The following ITGA2 variants were observed in gnomAD, a reference collection of about 807,000 sequenced individuals.
ITGA2 encodes the protein integrin alpha-2.
ITGA2 carries 101 observed loss-of-function variants against 146.3 expected under a neutral mutation model. The ratio of observed to expected loss-of-function variants is 0.69; its 90% CI spans 0.59 to 0.81. The LOEUF (loss-of-function observed/expected upper bound fraction) is 0.81. ITGA2 is among the 40% of genes least tolerant of loss of function. The pLI is 0.00. For synonymous variants in ITGA2, 477 were observed against 487.1 expected (o/e 0.98, Z 0.27); for missense variants, 1,281 against 1,402.7 (o/e 0.91, Z 1.39).
intron 1 of ITGA2, chr5:52,990,346 G>C (rs999372491): frequency 2.0e-5 from 3 of 152,396 alleles, no homozygotes; most frequent in African/African-American, 7.2e-5. Context: ...CACCTCCTGA[G>C]TTCTTTTACA....
chr5:53,024,999 C>T (rs915638610), intron 1 of ITGA2, among the ~76,000 whole-genome samples: 3 of 152,126 alleles, frequency 2.0e-5, no homozygotes, highest in African/African-American at 7.2e-5. Context: ...ATAAAATGAA[C>T]TCCATCATAA....
Position 53,016,567 on chromosome 5 carries a change from G to C in ITGA2, c.65-10181G>C, listed in dbSNP as rs148777597. 3.1e-3 allele frequency among the ~76,000 whole-genome samples: 465 copies of C among 152,160 alleles called. 5 individuals are homozygous for C. The highest frequency in any genetic ancestry group is 0.011 in the African/African-American group (446 of 41,530). The stretch of plus-strand genomic sequence containing the variant: ...AGAATCCGATGACTATGTGTTTTGG[G>C]GATGATCATCTTGTCTGGTATCCTA... On this transcript the variant is annotated intron_variant, in intron 1 of 29. Coordinates refer to ENST00000296585, the MANE Select transcript of ITGA2 (RefSeq NM_002203.4).
At chr5:53,048,563 C>G in intron 5 of ITGA2, 80 bp from the exon 6 acceptor site, 3 of 1,610,938 alleles carry the variant, frequency 1.9e-6, no homozygotes, top group East Asian at 4.5e-5. Flanking sequence ...CACCCAAACC[C>G]TCCTTAAGTC....
chr5:53,032,904 C>T (rs1204844225), intron 2 of ITGA2, among the ~76,000 whole-genome samples: 1 of 152,176 alleles, frequency 6.6e-6, no homozygotes, highest in Non-Finnish European at 1.5e-5. Context: ...CACACAACTT[C>T]TCTGGAGCAG....
chr5:53,044,001 A>G (rs1255183234), intron 3 of ITGA2, among the ~76,000 whole-genome samples: 1 of 152,006 alleles, frequency 6.6e-6, no homozygotes, highest in African/African-American at 2.4e-5. Flanking sequence ...TTGGCTGGGC[A>G]TGGTGTCTCA....
Position 53,014,103 on chromosome 5 carries a change from T to C in ITGA2, c.65-12645T>C, listed in dbSNP as rs150595063. Among the ~76,000 whole-genome samples the C allele has an allele frequency of 9.5e-4, 145 of 152,164 alleles. 2 individuals are homozygous for C. The East Asian group carries it at 0.022, about 23-fold the overall frequency. On this transcript the variant is annotated intron_variant, in intron 1 of 29. Transcript: ENST00000296585. The stretch of plus-strand genomic sequence containing the variant: ...TGGATGCCTTTATTTCTTTCTCTTG[T>C]TTGATTGCTTTGGCTGTGACTACCA...
At chr5:53,010,183 C>T (rs1421940) in intron 1 of ITGA2, among the ~76,000 whole-genome samples, 1 of 151,914 alleles carries the variant, frequency 6.6e-6, no homozygotes, top group Non-Finnish European at 1.5e-5. Flanking sequence ...ATGAATCCTG[C>T]ATTACCTACA....
At chr5:53,047,130 C>T (rs958970860) in intron 4 of ITGA2, among the ~76,000 whole-genome samples, 1 of 152,064 alleles carries the variant, frequency 6.6e-6, no homozygotes, top group Admixed American at 6.5e-5. Context: ...TGAAATATGG[C>T]CAAAGCTGCT....
intron 10 of ITGA2, among the ~76,000 whole-genome samples, chr5:53,059,069 C>T (rs1310953315): frequency 6.6e-6 from 1 of 151,864 alleles, no homozygotes; most frequent in Non-Finnish European, 1.5e-5. Flanking sequence ...TTTAGTCCAA[C>T]ATCTTATCTT....
At chr5:53,039,926 C>T (rs529804055) in intron 2 of ITGA2, among the ~76,000 whole-genome samples, 153 of 151,988 alleles carry the variant, frequency 1.0e-3, no homozygotes, top group Non-Finnish European at 1.7e-3. Context: ...TCCTAGCCCT[C>T]ATGTACCTTT....
intron 7 of ITGA2, 145 bp downstream of exon 7, chr5:53,051,704 C>T (rs889526044): frequency 5.8e-5 from 49 of 841,192 alleles, no homozygotes; most frequent in Non-Finnish European, 9.0e-5. Context: ...AAAAAAACAT[C>T]AGAGCATTCT....
At chr5:52,992,313 C>G (rs1741001917) in intron 1 of ITGA2, among the ~76,000 whole-genome samples, 1 of 152,120 alleles carries the variant, frequency 6.6e-6, no homozygotes, top group African/African-American at 2.4e-5. Context: ...CCTCTTCATT[C>G]TGCAGATTGT....
rs1211579364 is a variant in ITGA2 at position 53,067,143 on chromosome 5, A to G, written c.1969A>G (p.Ile657Val). 8.7e-6 allele frequency: 14 copies of G among 1,610,522 alleles called. No individual in the cohort carries two copies. Among genetic ancestry groups the G allele is most frequent in the Admixed American group, 3.3e-5 (2 of 59,756 alleles). Residue 657 changes from isoleucine (I) to valine (V), a missense_variant, in exon 16 of 30, where the codon ATA (isoleucine) becomes GTA (valine). This residue lies in a region of ITGA2 where 795 missense variants were observed against 841.7 expected (regional missense o/e 0.94). Transcript: ENST00000296585. Reference protein sequence around the residue: ...LWSQSIADVAIEASFTPEKIT... With the variant: ...LWSQSIADVAVEASFTPEKIT... ...GTCACAAAGTATTGCTGATGTAGCT[A>G]TAGAAGCTTCATTCACACCAGAAAA... is the stretch of plus-strand genomic sequence containing the variant.
chr5:53,088,517 C>G (rs1297826298), intron 28 of ITGA2, among the ~76,000 whole-genome samples: 2 of 151,998 alleles, frequency 1.3e-5, no homozygotes, highest in Non-Finnish European at 2.9e-5. Context: ...GAAAACCTGT[C>G]TCTACTAAAA....
chr5:53,006,814 C>T (rs1474650327), intron 1 of ITGA2, among the ~76,000 whole-genome samples: 2 of 152,136 alleles, frequency 1.3e-5, no homozygotes, highest in Admixed American at 6.5e-5. Flanking sequence ...AGGTTAAGGT[C>T]ACCGTCTCTT....
At chr5:53,082,704 A>ACTCTT (rs1745982076) in intron 26 of ITGA2, among the ~76,000 whole-genome samples, 1 of 152,186 alleles carries the variant, frequency 6.6e-6, no homozygotes, top group South Asian at 2.1e-4. Context: ...AGTTTACATT[A>ACTCTT]GGGTTCACTC....
intron 1 of ITGA2, among the ~76,000 whole-genome samples, chr5:53,017,378 A>G (rs1387207599): frequency 1.3e-5 from 2 of 152,236 alleles, no homozygotes; most frequent in Non-Finnish European, 1.5e-5. Context: ...CCTAGGCTTC[A>G]TACTCTAACT....
intron 20 of ITGA2, among the ~76,000 whole-genome samples, chr5:53,073,492 G>A (rs563733899): frequency 6.6e-6 from 1 of 151,978 alleles, no homozygotes; most frequent in African/African-American, 2.4e-5. Context: ...GGCAGCAGTA[G>A]CCAGACACTC....
intron 1 of ITGA2, among the ~76,000 whole-genome samples, chr5:53,003,981 A>G (rs1347823447): frequency 6.6e-6 from 1 of 152,066 alleles, no homozygotes; most frequent in Non-Finnish European, 1.5e-5. Context: ...TTGGGCATGG[A>G]TATTATTGAC....
Sources: gnomAD v4.1 joint callset for allele counts (sites outside exome capture counted in the v4.1 genomes callset) on GRCh38, gnomAD v4.1.1 for gene constraint, gnomAD v4.1.1 regional missense constraint, MANE v1.5 for transcripts, NCBI Gene and HGNC (gene_info 2026-07-23, HGNC 2026-07-21) for gene names.